HECW2: variants seen among roughly 807,000 people sequenced by gnomAD.
HECW2 encodes E3 ubiquitin-protein ligase HECW2.
A neutral mutation model predicts 175.2 loss-of-function variants in HECW2; 61 were observed. The observed-to-expected ratio is 0.35, with a 90% CI of 0.28 to 0.43. The LOEUF (loss-of-function observed/expected upper bound fraction) is 0.43. HECW2 is among the 20% of genes least tolerant of loss of function. HECW2 has a pLI of 1.00. For missense variants in HECW2, 1,524 were observed against 2,000.5 expected (o/e 0.76, Z 4.54); for synonymous variants, 671 against 731.0 (o/e 0.92, Z 1.32).
chr2:196,344,546 GC>G (rs1329461263), intron 2 of HECW2, among the ~76,000 whole-genome samples: 2 of 151,902 alleles, frequency 1.3e-5, no homozygotes, highest in Non-Finnish European at 2.9e-5. Flanking sequence ...CTCAGACTCT[GC>G]CCCCAGCACC....
chr2:196,557,701 T>C (rs914911749), intron 1 of HECW2, among the ~76,000 whole-genome samples: 10 of 152,192 alleles, frequency 6.6e-5, no homozygotes, highest in African/African-American at 9.6e-5. Flanking sequence ...TAATATTTCA[T>C]GGGAAAATAC....
At chr2:196,243,859 G>A (rs1326077355) in intron 19 of HECW2, among the ~76,000 whole-genome samples, 2 of 152,178 alleles carry the variant, frequency 1.3e-5, no homozygotes, top group Non-Finnish European at 2.9e-5. Context: ...GATTACAGGC[G>A]TGAGCCACCA....
At chr2:196,391,606 T>C (rs1384727928) in intron 2 of HECW2, among the ~76,000 whole-genome samples, 1 of 152,214 alleles carries the variant, frequency 6.6e-6, no homozygotes, top group Non-Finnish European at 1.5e-5. Context: ...CTATATTTTT[T>C]CTCTCATGCT....
At chr2:196,415,858 C>CA (rs1337923535) in intron 2 of HECW2, among the ~76,000 whole-genome samples, 3 of 151,858 alleles carry the variant, frequency 2.0e-5, no homozygotes, top group Non-Finnish European at 4.4e-5. Flanking sequence ...AAAGAAGGGG[C>CA]AAAAAACAGT....
At chr2:196,217,132 C>T in intron 26 of HECW2, 39 bp from the exon 27 acceptor site, 1 of 1,476,794 alleles carries the variant, frequency 6.8e-7, no homozygotes, top group South Asian at 1.2e-5. Flanking sequence ...TACTTTGACT[C>T]TTCTATATTA....
intron 16 of HECW2, among the ~76,000 whole-genome samples, chr2:196,271,624 G>A (rs1462700164): frequency 6.6e-6 from 1 of 152,124 alleles, no homozygotes; most frequent in African/African-American, 2.4e-5. Context: ...CTGTTTTTCA[G>A]CCAGGCATGG....
chr2:196,275,143 A>T (rs1411313296), intron 15 of HECW2, among the ~76,000 whole-genome samples: 1 of 152,136 alleles, frequency 6.6e-6, no homozygotes, highest in East Asian at 1.9e-4. Flanking sequence ...GCTCTCACTC[A>T]TTCTTCAAAG....
Position 196,232,448 on chromosome 2 carries a change from C to T in HECW2, c.3765-4194G>A, listed in dbSNP as rs574186874. Among the ~76,000 whole-genome samples, 6 of 152,228 alleles carry T rather than the reference C, an allele frequency of 3.9e-5. No individual in the cohort carries two copies. The South Asian group carries it at 1.2e-3, about 32-fold the overall frequency. On this transcript the variant is annotated intron_variant, in intron 21 of 28. Transcript: ENST00000644978. The stretch of plus-strand genomic sequence containing the variant: ...TACCTAGCCTGATACACAGTGGGGG[C>T]TCAATATATATTGTTGAATCAATGA...
intron 1 of HECW2, among the ~76,000 whole-genome samples, chr2:196,470,942 A>G (rs1019592024): frequency 6.6e-6 from 1 of 152,032 alleles, no homozygotes; most frequent in Non-Finnish European, 1.5e-5. Context: ...AATAAAATCA[A>G]AAAAGCCAAT....
intron 26 of HECW2, chr2:196,217,909 G>T (rs578247335): frequency 6.6e-6 from 1 of 152,306 alleles, no homozygotes; most frequent in Non-Finnish European, 1.5e-5. Flanking sequence ...AATAGAAGGC[G>T]GGTAGAAATT....
intron 18 of HECW2, among the ~76,000 whole-genome samples, chr2:196,254,658 T>A (rs552501701): frequency 6.6e-6 from 1 of 152,338 alleles, no homozygotes; most frequent in African/African-American, 2.4e-5. Flanking sequence ...ACCAGAGACC[T>A]GAGCTCTTTT....
At chr2:196,289,243 C>T (rs1329747381) in intron 14 of HECW2, 2 of 152,204 alleles carry the variant, frequency 1.3e-5, no homozygotes, top group African/African-American at 4.8e-5. Flanking sequence ...TCCTTTCATG[C>T]AGATGAGGAT....
At chr2:196,468,716 T>C (rs1193227391) in intron 1 of HECW2, among the ~76,000 whole-genome samples, 4 of 152,172 alleles carry the variant, frequency 2.6e-5, no homozygotes, top group African/African-American at 9.7e-5. Context: ...TGAATGAAGG[T>C]CTGAGGTGTG....
At chr2:196,454,206 C>T (rs886837891) in intron 1 of HECW2, among the ~76,000 whole-genome samples, 5 of 151,998 alleles carry the variant, frequency 3.3e-5, no homozygotes, top group Admixed American at 6.6e-5. Flanking sequence ...GCGATCCGCC[C>T]GCCTCGCCAG....
At chr2:196,313,000 C>A (rs1209215603) in intron 10 of HECW2, among the ~76,000 whole-genome samples, 30 of 152,134 alleles carry the variant, frequency 2.0e-4, no homozygotes, top group Non-Finnish European at 5.9e-5. Context: ...ATAGTTTGAA[C>A]CCCTCACATA....
intron 2 of HECW2, among the ~76,000 whole-genome samples, chr2:196,377,659 T>C (rs1467010522): frequency 1.3e-5 from 2 of 152,208 alleles, no homozygotes; most frequent in African/African-American, 4.8e-5. Flanking sequence ...CAAGATGAGA[T>C]TTGGGTGGGA....
intron 1 of HECW2, among the ~76,000 whole-genome samples, chr2:196,544,239 G>A (rs1307972373): frequency 6.6e-6 from 1 of 152,182 alleles, no homozygotes. Flanking sequence ...TCTGTGGGAT[G>A]GCAGGCCTCC....
At chr2:196,405,789 T>C (rs960206076) in intron 2 of HECW2, among the ~76,000 whole-genome samples, 1 of 152,174 alleles carries the variant, frequency 6.6e-6, no homozygotes, top group African/African-American at 2.4e-5. Flanking sequence ...AAGGGAATTC[T>C]CTACAGCTGA....
intron 2 of HECW2, among the ~76,000 whole-genome samples, chr2:196,349,965 T>C (rs965605017): frequency 2.0e-5 from 3 of 152,172 alleles, no homozygotes; most frequent in Non-Finnish European, 4.4e-5. Flanking sequence ...ACATTCACTG[T>C]CACAGATCCT....
Sources: gnomAD v4.1 joint callset for allele counts (sites outside exome capture counted in the v4.1 genomes callset) on GRCh38, gnomAD v4.1.1 for gene constraint, MANE v1.5 for transcripts, NCBI Gene and HGNC (gene_info 2026-07-23, HGNC 2026-07-21) for gene names.